The following GTPBP4 variants were observed in gnomAD, a reference collection of about 807,000 sequenced individuals.
GTPBP4 encodes GTP-binding protein 4.
In GTPBP4, 15 loss-of-function variants were observed where a neutral mutation model predicts 81.7. The observed-to-expected ratio is 0.18, with a 90% CI of 0.12 to 0.28. The LOEUF is 0.28. Among genes scored for constraint, GTPBP4 ranks in the 10% least tolerant of loss-of-function variants. The pLI, the probability that GTPBP4 is intolerant of heterozygous loss-of-function variation, is 1.00. For synonymous variants in GTPBP4, 272 were observed against 274.6 expected (o/e 0.99, Z 0.09); for missense variants, 847 against 793.8 (o/e 1.07, Z -0.81).
rs751330128 is a variant in GTPBP4, at chr10:1,000,958, T to C, written c.857T>C (p.Val286Ala). The change falls in exon 8 of 17, where the codon GTT becomes GCT. Residue 286 changes from valine (V) to alanine (A), a missense_variant. Val to Ala is a moderately conservative substitution (Grantham distance 64). Around this residue, in one of 3 missense-constraint regions of GTPBP4, gnomAD observed 600 missense variants for 557.1 expected, o/e 1.08. Transcript: ENST00000360803. ...TTCTTCCTTGCCTAGCCTCTCATAG[T>C]TGTAGCCAACAAATGTGATGTGAAG... ...RPLFINKPLI[V>A]VANKCDVKRI... The C allele has an allele frequency of 1.9e-6, 3 of 1,612,496 alleles. No individual in the cohort carries two copies. Among genetic ancestry groups the C allele is most frequent in the Non-Finnish European group, 2.5e-6 (3 of 1,178,482 alleles).
At chr10:1,010,949 CT>C (rs1415739087) in intron 13 of GTPBP4, among the ~76,000 whole-genome samples, 16 of 148,992 alleles carry the variant, frequency 1.1e-4, no homozygotes, top group South Asian at 4.3e-4. Context: ...GATGCTGGGC[CT>C]CTTCATTCTC....
At chr10:992,716 T>C (rs1240303053) in intron 2 of GTPBP4, 57 bp downstream of exon 2, 3 of 1,044,268 alleles carry the variant, frequency 2.9e-6, no homozygotes, top group African/African-American at 3.2e-5. Flanking sequence ...AGAGAACCAG[T>C]GTTTAACCAG....
intron 1 of GTPBP4, among the ~76,000 whole-genome samples, chr10:989,114 CTT>C (rs869154759): frequency 0.3 from 30,244 of 101,212 alleles, 3,214 homozygotes; most frequent in African/African-American, 0.39. Flanking sequence ...AGTATTAGGA[CTT>C]TTTTTTTTTT....
intron 13 of GTPBP4, 113 bp downstream of exon 13, chr10:1,010,633 C>T (rs1831836456): frequency 1.4e-6 from 1 of 726,230 alleles, no homozygotes; most frequent in African/African-American, 1.8e-5. Flanking sequence ...ATTCTGCACC[C>T]CTCCATCCTG....
chr10:1,015,563 G>A (rs370759099), intron 15 of GTPBP4, among the ~76,000 whole-genome samples, 190 bp from the exon 16 acceptor site: 17 of 39,182 alleles, frequency 4.3e-4, no homozygotes, highest in African/African-American at 1.1e-3. Flanking sequence ...CTGGGAGCGG[G>A]GCTGGGGTCC....
At position 999,087 on chromosome 10, in the gene GTPBP4, C is replaced by G; in HGVS notation, c.646C>G (p.Arg216Gly). Reference protein sequence around the residue: ...FVGHMDYKYLRWQVVDTPGIL... With the variant: ...FVGHMDYKYLGWQVVDTPGIL... Reference sequence around the variant, plus strand: ...TGGGCACATGGATTATAAGTATCTACGTTGGCAGGTGAGAGTCTTGTCTTT... The same window carrying G: ...TGGGCACATGGATTATAAGTATCTAGGTTGGCAGGTGAGAGTCTTGTCTTT... Residue 216 changes from arginine (R) to glycine (G), a missense_variant, in exon 6 of 17, where the codon CGT (arginine) becomes GGT (glycine). Transcript: ENST00000360803. 3 of 1,549,258 alleles carry G rather than the reference C, an allele frequency of 1.9e-6. No homozygotes were observed. Among genetic ancestry groups the G allele is most frequent in the Non-Finnish European group, 2.7e-6 (3 of 1,120,788 alleles).
chr10:995,057 C>T (rs1831513952), intron 2 of GTPBP4, among the ~76,000 whole-genome samples: 1 of 152,130 alleles, frequency 6.6e-6, no homozygotes. Flanking sequence ...GAGGTGAACA[C>T]TGGGACATGG....
chr10:1,013,606 T>A (rs1831919666), intron 14 of GTPBP4, among the ~76,000 whole-genome samples: 1 of 152,062 alleles, frequency 6.6e-6, no homozygotes, highest in Non-Finnish European at 1.5e-5. Context: ...CAAGACTCCA[T>A]CTCAAAAAAT....
intron 12 of GTPBP4, among the ~76,000 whole-genome samples, chr10:1,009,933 T>C (rs1831819007): frequency 6.6e-6 from 1 of 152,228 alleles, no homozygotes; most frequent in African/African-American, 2.4e-5. Context: ...AGGACAAGGC[T>C]GCAGTGGGCA....
At chr10:1,014,016 G>C (rs1202474917) in intron 14 of GTPBP4, among the ~76,000 whole-genome samples, 1 of 152,178 alleles carries the variant, frequency 6.6e-6, no homozygotes, top group East Asian at 1.9e-4. Flanking sequence ...ATGGACAGAC[G>C]TGGAGGATAC....
chr10:993,261 CTTTT>C (rs904076832), intron 2 of GTPBP4, among the ~76,000 whole-genome samples: 1 of 151,842 alleles, frequency 6.6e-6, no homozygotes, highest in Non-Finnish European at 1.5e-5. Flanking sequence ...CTTTTTTTCT[CTTTT>C]TTTTGGAGAC....
intron 1 of GTPBP4, among the ~76,000 whole-genome samples, chr10:990,701 C>G (rs1172126715): frequency 7.6e-6 from 1 of 131,714 alleles, no homozygotes; most frequent in African/African-American, 3.0e-5. Context: ...GCACTCCAGC[C>G]TGGGCAACAG....
At chr10:991,208 C>T (rs533984599) in intron 1 of GTPBP4, among the ~76,000 whole-genome samples, 4 of 152,304 alleles carry the variant, frequency 2.6e-5, no homozygotes, top group East Asian at 1.9e-4. Flanking sequence ...TGTCACTGGA[C>T]CCTGAATTCC....
chr10:1,011,093 C>T (rs1464226536), intron 13 of GTPBP4, among the ~76,000 whole-genome samples: 4 of 109,018 alleles, frequency 3.7e-5, no homozygotes, highest in African/African-American at 1.4e-4. Context: ...ACTGTGCCTC[C>T]TGCACCTCTT....
chr10:991,717 A>T, intron 1 of GTPBP4, among the ~76,000 whole-genome samples: 1 of 112,132 alleles, frequency 8.9e-6, no homozygotes. Context: ...TTTTTTTGAG[A>T]CGGAGTCTCG....
chr10:1,011,721 T>C (rs1358289951), intron 13 of GTPBP4, among the ~76,000 whole-genome samples: 1 of 152,234 alleles, frequency 6.6e-6, no homozygotes, highest in East Asian at 1.9e-4. Flanking sequence ...TCAATTTCGT[T>C]GGTGCTGGAG....
chr10:1,007,543 T>C (rs1468258943), intron 10 of GTPBP4, among the ~76,000 whole-genome samples: 3 of 152,212 alleles, frequency 2.0e-5, no homozygotes, highest in Non-Finnish European at 4.4e-5. Flanking sequence ...TTGACCAGCC[T>C]GGGCAACATA....
chr10:1,002,313 T>C (rs748632600), intron 8 of GTPBP4, among the ~76,000 whole-genome samples: 1 of 152,216 alleles, frequency 6.6e-6, no homozygotes, highest in Non-Finnish European at 1.5e-5. Flanking sequence ...CCCCAAATAT[T>C]ATTGACCCCT....
At chr10:1,002,806 T>G (rs909807208) in intron 8 of GTPBP4, among the ~76,000 whole-genome samples, 1 of 152,216 alleles carries the variant, frequency 6.6e-6, no homozygotes, top group Non-Finnish European at 1.5e-5. Context: ...TTTTCTTATA[T>G]GTGACTTCAA....
Sources: allele counts gnomAD v4.1 joint callset (sites outside exome capture counted in the v4.1 genomes callset), GRCh38; gene constraint gnomAD v4.1.1; regional missense constraint gnomAD v4.1.1; transcripts MANE v1.5; gene names NCBI Gene and HGNC (gene_info 2026-07-23, HGNC 2026-07-21).